Variants in IL1RAPL1 observed in about 807,000 individuals in gnomAD.
IL1RAPL1 encodes the protein interleukin-1 receptor accessory protein-like 1.
Under a neutral mutation model 48.4 loss-of-function variants are expected in IL1RAPL1, and 3 were observed. That is an observed-to-expected ratio of 0.06 (90% CI 0.03 to 0.16). The LOEUF is 0.16. IL1RAPL1 is among the 10% of genes least tolerant of loss of function. IL1RAPL1 has a pLI of 1.00. For synonymous variants in IL1RAPL1, 185 were observed against 187.7 expected (o/e 0.99, Z 0.12); for missense variants, 349 against 530.6 (o/e 0.66, Z 3.36).
At chrX:29,777,104 G>A (rs772015306) in intron 6 of IL1RAPL1, among the ~76,000 whole-genome samples, 4 of 112,172 alleles carry the variant, frequency 3.6e-5, no homozygotes, top group Non-Finnish European at 7.5e-5. Flanking sequence ...ATCTTGCAAT[G>A]AGGAGCTATC....
At chrX:29,635,407 T>C (rs1445277700) in intron 5 of IL1RAPL1, among the ~76,000 whole-genome samples, 1 of 111,897 alleles carries the variant, frequency 8.9e-6, no homozygotes, top group East Asian at 2.8e-4. Context: ...GAAGCAAAAA[T>C]CAATAAAGTA....
chrX:28,733,107 G>GTA (rs200245025), intron 1 of IL1RAPL1, among the ~76,000 whole-genome samples: 3 of 108,264 alleles, frequency 2.8e-5, no homozygotes, highest in African/African-American at 1.0e-4. Context: ...GTGTGTGTGT[G>GTA]TATATAATAT....
intron 2 of IL1RAPL1, among the ~76,000 whole-genome samples, chrX:29,187,289 C>T (rs910200303): frequency 2.7e-5 from 3 of 111,415 alleles, no homozygotes; most frequent in African/African-American, 6.5e-5. Flanking sequence ...AATCTTCTGC[C>T]AAGAATTATG....
intron 5 of IL1RAPL1, among the ~76,000 whole-genome samples, chrX:29,650,335 A>G (rs1426955667): frequency 8.9e-6 from 1 of 112,113 alleles, no homozygotes; most frequent in East Asian, 2.8e-4. Context: ...TTGAGCAAAA[A>G]GAACAATGCT....
At chrX:28,826,871 G>C (rs1037324318) in intron 2 of IL1RAPL1, among the ~76,000 whole-genome samples, 1 of 111,050 alleles carries the variant, frequency 9.0e-6, no homozygotes, top group African/African-American at 3.3e-5. Context: ...TAGTAATATA[G>C]GGAGAGAGAA....
chrX:28,816,874 A>G (rs895362320), intron 2 of IL1RAPL1, among the ~76,000 whole-genome samples: 1 of 110,404 alleles, frequency 9.1e-6, no homozygotes, highest in African/African-American at 3.3e-5. Context: ...GTATATAAGC[A>G]TTCCCTTTTC....
intron 1 of IL1RAPL1, among the ~76,000 whole-genome samples, chrX:28,630,748 A>C (rs932545559): frequency 8.9e-6 from 1 of 112,620 alleles, no homozygotes; most frequent in Non-Finnish European, 1.9e-5. Flanking sequence ...GTGTGTTATA[A>C]AATGATTTAT....
Position 28,810,166 on chromosome X carries a change from A to G in IL1RAPL1, c.82+20741A>G, listed in dbSNP as rs1352894095. 7.3e-5 allele frequency among the ~76,000 whole-genome samples: 8 copies of G among 110,192 alleles called. No individual in the cohort carries two copies. In the Admixed American group the frequency reaches 7.8e-4, roughly 11 times the overall value. Reference sequence around the variant, plus strand: ...AAGGAGTCTGCAGGCAGCTCAGTGGACAGGTTAATAATGGATATTTAAGTG... The same window carrying G: ...AAGGAGTCTGCAGGCAGCTCAGTGGGCAGGTTAATAATGGATATTTAAGTG... On this transcript the variant is annotated intron_variant, in intron 2 of 10. Transcript: ENST00000378993.
intron 8 of IL1RAPL1, among the ~76,000 whole-genome samples, chrX:29,933,657 CAA>C (rs1217616087): frequency 1.8e-3 from 60 of 34,075 alleles, no homozygotes; most frequent in Admixed American, 4.2e-3. Flanking sequence ...ACAAAATAGA[CAA>C]AAAAAAAAAA....
intron 5 of IL1RAPL1, among the ~76,000 whole-genome samples, chrX:29,653,944 T>TTTA (rs1569138401): frequency 9.2e-4 from 65 of 70,593 alleles, no homozygotes; most frequent in Non-Finnish European, 1.5e-3. Flanking sequence ...TTATTTATTT[T>TTTA]TTGGCTGTAT....
chrX:28,745,408 C>CT lies in IL1RAPL1; in HGVS notation c.-24-43910dup, dbSNP rs761044681. 2.5e-4 allele frequency among the ~76,000 whole-genome samples: 28 copies of CT among 111,577 alleles called. 1 individual carries two copies. The highest frequency in any genetic ancestry group is 4.6e-3 in the Middle Eastern group (1 of 216). On this transcript the variant is annotated intron_variant, in intron 1 of 10. Coordinates refer to ENST00000378993, the MANE Select transcript of IL1RAPL1 (RefSeq NM_014271.4). ...AATTATGGGTTTTTAACTTGATTGA[C>CT]TTGTTGGCTCATGGTGCCACTTACT...
intron 1 of IL1RAPL1, among the ~76,000 whole-genome samples, chrX:28,618,535 C>T (rs1934247635): frequency 9.0e-6 from 1 of 111,175 alleles, no homozygotes; most frequent in Non-Finnish European, 1.9e-5. Context: ...TTATGTATTG[C>T]TCTAACATGA....
intron 2 of IL1RAPL1, among the ~76,000 whole-genome samples, chrX:29,269,039 G>C (rs748824064): frequency 8.9e-6 from 1 of 112,000 alleles, no homozygotes; most frequent in South Asian, 3.7e-4. Flanking sequence ...CTAAAGAAAG[G>C]ATTCTGAATT....
intron 1 of IL1RAPL1, among the ~76,000 whole-genome samples, chrX:28,648,183 A>G (rs1349119353): frequency 4.5e-5 from 5 of 110,998 alleles, no homozygotes; most frequent in African/African-American, 9.8e-5. Context: ...TCTCCCACAA[A>G]TATCATCTCT....
At chrX:29,169,254 G>A (rs1929864588) in intron 2 of IL1RAPL1, among the ~76,000 whole-genome samples, 1 of 109,204 alleles carries the variant, frequency 9.2e-6, no homozygotes, top group Non-Finnish European at 1.9e-5. Context: ...TTTCCATAAT[G>A]GCTATTCTAA....
chrX:28,657,079 T>TG (rs1251309220), intron 1 of IL1RAPL1, among the ~76,000 whole-genome samples: 1 of 106,366 alleles, frequency 9.4e-6, no homozygotes, highest in African/African-American at 3.4e-5. Flanking sequence ...ATAAATGTAA[T>TG]GGGGGCATAT....
At chrX:29,393,817 A>G in intron 3 of IL1RAPL1, among the ~76,000 whole-genome samples, 1 of 110,477 alleles carries the variant, frequency 9.1e-6, no homozygotes, top group Non-Finnish European at 1.9e-5. Context: ...TAAAATAGTT[A>G]ATAGGTTAAT....
chrX:29,890,957 C>T (rs139311477), intron 6 of IL1RAPL1, among the ~76,000 whole-genome samples: 214 of 112,260 alleles, frequency 1.9e-3, no homozygotes, highest in African/African-American at 6.7e-3. Flanking sequence ...CCCAAACCTG[C>T]TGTGCATCTG....
intron 2 of IL1RAPL1, among the ~76,000 whole-genome samples, chrX:28,812,221 T>C (rs1177597548): frequency 9.0e-6 from 1 of 111,031 alleles, no homozygotes; most frequent in Non-Finnish European, 1.9e-5. Context: ...ACAATGTGTG[T>C]ATATATATAT....
Sources: gnomAD v4.1 joint callset for allele counts (sites outside exome capture counted in the v4.1 genomes callset) on GRCh38, gnomAD v4.1.1 for gene constraint, MANE v1.5 for transcripts, NCBI Gene and HGNC (gene_info 2026-07-23, HGNC 2026-07-21) for gene names.